Variants in SORCS1 observed in about 807,000 individuals in gnomAD.
The protein encoded by SORCS1 is VPS10 domain-containing receptor SorCS1.
In SORCS1, 60 loss-of-function variants were observed where a neutral mutation model predicts 146.1. That is an observed-to-expected ratio of 0.41 (90% CI 0.33 to 0.51). The LOEUF is 0.51. SORCS1 is among the 20% of genes least tolerant of loss of function. The probability of loss-of-function intolerance (pLI) is 0.21; values close to 1 mark genes in which losing one functional copy is unlikely to be tolerated. For synonymous variants in SORCS1, 637 were observed against 584.0 expected, an observed-to-expected ratio of 1.09 and a Z score of -1.31; for missense variants, 1,352 against 1,487.6, an observed-to-expected ratio of 0.91 and a Z score of 1.50.
intron 2 of SORCS1, among the ~76,000 whole-genome samples, chr10:106,921,069 C>G (rs575219660): frequency 9.5e-4 from 144 of 152,244 alleles, no homozygotes; most frequent in African/African-American, 3.4e-3. Flanking sequence ...CAGCTCTTGC[C>G]TCTCCCTCTT....
At chr10:107,003,637 CT>C (rs1957313103) in intron 1 of SORCS1, among the ~76,000 whole-genome samples, 1 of 152,122 alleles carries the variant, frequency 6.6e-6, no homozygotes, top group African/African-American at 2.4e-5. Context: ...TCATGTTGTA[CT>C]GTAATCCTTA....
intron 1 of SORCS1, among the ~76,000 whole-genome samples, chr10:106,981,573 A>G (rs1028328512): frequency 6.6e-6 from 1 of 152,212 alleles, no homozygotes; most frequent in African/African-American, 2.4e-5. Flanking sequence ...CTTTCAAAAT[A>G]GAGCACAGAG....
At chr10:106,964,780 C>T (rs996018038) in intron 1 of SORCS1, among the ~76,000 whole-genome samples, 4 of 151,856 alleles carry the variant, frequency 2.6e-5, no homozygotes, top group African/African-American at 7.3e-5. Context: ...GCCACTGCAC[C>T]AGGCCTAATT....
intron 1 of SORCS1, among the ~76,000 whole-genome samples, chr10:106,968,752 C>CT (rs896088132): frequency 1.7e-4 from 26 of 151,746 alleles, no homozygotes; most frequent in African/African-American, 5.3e-4. Context: ...AAGCTTTTAA[C>CT]TTTTTTTTTC....
At chr10:107,115,562 A>C (rs1310767773) in intron 1 of SORCS1, among the ~76,000 whole-genome samples, 1 of 152,024 alleles carries the variant, frequency 6.6e-6, no homozygotes, top group Non-Finnish European at 1.5e-5. Context: ...CAGAAAAATT[A>C]AATTCTTTTA....
chr10:106,809,636 TC>T (rs1174658992), intron 3 of SORCS1, among the ~76,000 whole-genome samples: 1 of 152,184 alleles, frequency 6.6e-6, no homozygotes, highest in Non-Finnish European at 1.5e-5. Flanking sequence ...CATTTATTCT[TC>T]CATTAGTTCT....
At chr10:106,755,966 T>C (rs1172588635) in intron 5 of SORCS1, among the ~76,000 whole-genome samples, 2 of 151,844 alleles carry the variant, frequency 1.3e-5, no homozygotes, top group Admixed American at 6.6e-5. Context: ...CCGTCTCTAC[T>C]AAAATACAAA....
At chr10:106,590,091 C>A (rs1589676484) in intron 24 of SORCS1, among the ~76,000 whole-genome samples, 1 of 152,242 alleles carries the variant, frequency 6.6e-6, no homozygotes, top group Admixed American at 6.5e-5. Flanking sequence ...GGGTATATAT[C>A]TAGAAGCCCC....
chr10:106,852,510 C>A (rs1949625208), intron 2 of SORCS1, among the ~76,000 whole-genome samples: 1 of 151,678 alleles, frequency 6.6e-6, no homozygotes, highest in African/African-American at 2.4e-5. Flanking sequence ...CGCCTGTAGT[C>A]CCAGCTACTC....
chr10:107,038,679 C>T (rs886687254), intron 1 of SORCS1, among the ~76,000 whole-genome samples: 1 of 98,354 alleles, frequency 1.0e-5, no homozygotes, highest in Non-Finnish European at 2.1e-5. Flanking sequence ...TGCCCACCCC[C>T]AACCCTGGGC....
At chr10:106,884,834 A>C (rs984577315) in intron 2 of SORCS1, among the ~76,000 whole-genome samples, 1 of 152,224 alleles carries the variant, frequency 6.6e-6, no homozygotes, top group Non-Finnish European at 1.5e-5. Context: ...CATAGTGGCA[A>C]TGAAAAAACA....
At chr10:106,702,153 A>G (rs1319112857) in intron 8 of SORCS1, among the ~76,000 whole-genome samples, 1 of 152,206 alleles carries the variant, frequency 6.6e-6, no homozygotes, top group African/African-American at 2.4e-5. Flanking sequence ...TGTCTGTGGA[A>G]ATTAGCTCCA....
intron 1 of SORCS1, among the ~76,000 whole-genome samples, chr10:106,970,683 C>T (rs1445249818): frequency 6.6e-6 from 1 of 151,968 alleles, no homozygotes. Flanking sequence ...AACCTCACCT[C>T]AACCTGATCT....
chr10:106,633,708 T>G (rs1848567511), intron 18 of SORCS1, among the ~76,000 whole-genome samples: 1 of 152,206 alleles, frequency 6.6e-6, no homozygotes, highest in South Asian at 2.1e-4. Flanking sequence ...AGCAGAAAAT[T>G]ATATGCACCT....
At chr10:106,631,360 C>G (rs1017396538) in intron 18 of SORCS1, among the ~76,000 whole-genome samples, 2 of 152,218 alleles carry the variant, frequency 1.3e-5, no homozygotes, top group Admixed American at 6.5e-5. Flanking sequence ...GTCAACTATT[C>G]TTGCTGACGT....
intron 1 of SORCS1, among the ~76,000 whole-genome samples, chr10:106,991,243 C>T (rs1418742950): frequency 2.0e-5 from 3 of 152,180 alleles, no homozygotes; most frequent in African/African-American, 7.2e-5. Flanking sequence ...TTCTAGCAGC[C>T]AGAGTGTTAT....
intron 13 of SORCS1, among the ~76,000 whole-genome samples, chr10:106,676,474 C>T (rs936568692): frequency 5.9e-5 from 9 of 152,154 alleles, no homozygotes; most frequent in African/African-American, 2.2e-4. Context: ...AAGGTGACTG[C>T]AAGAAGTCAA....
chr10:107,093,803 C>T (rs1964370587), intron 1 of SORCS1, among the ~76,000 whole-genome samples: 1 of 152,160 alleles, frequency 6.6e-6, no homozygotes, highest in Non-Finnish European at 1.5e-5. Flanking sequence ...ACCTCTTCCA[C>T]CATGATCTCT....
chr10:107,090,137 T>C (rs925608384), intron 1 of SORCS1, among the ~76,000 whole-genome samples: 1 of 152,166 alleles, frequency 6.6e-6, no homozygotes, highest in Non-Finnish European at 1.5e-5. Flanking sequence ...GAACCAGCCT[T>C]CTTAATCTCT....
Sources: gnomAD v4.1 joint callset for allele counts (sites outside exome capture counted in the v4.1 genomes callset) on GRCh38, gnomAD v4.1.1 for gene constraint, MANE v1.5 for transcripts, NCBI Gene and HGNC (gene_info 2026-07-23, HGNC 2026-07-21) for gene names.